The following DLGAP2 variants were observed in gnomAD, a reference collection of about 807,000 sequenced individuals.
DLGAP2 encodes disks large-associated protein 2.
In DLGAP2, 26 loss-of-function variants were observed where a neutral mutation model predicts 100.3. That is an observed-to-expected ratio of 0.26 (90% CI 0.19 to 0.36). The LOEUF is 0.36. Ranked by LOEUF, DLGAP2 falls within the 10% of genes least tolerant of loss-of-function variation. DLGAP2 has a pLI of 1.00. For missense variants in DLGAP2, 1,858 were observed against 1,453.2 expected (o/e 1.28, Z -4.53); for synonymous variants, 886 against 630.1 (o/e 1.41, Z -6.08).
intron 1 of DLGAP2, among the ~76,000 whole-genome samples, chr8:843,018 A>C (rs1318764315): frequency 6.6e-6 from 1 of 152,018 alleles, no homozygotes; most frequent in Non-Finnish European, 1.5e-5. Context: ...CGCTCACTTT[A>C]TGGATGTACC....
At position 964,128 on chromosome 8, in the gene DLGAP2, G is replaced by C. The variant is rs1430402459; in HGVS notation, c.73+56162G>C. On this transcript the variant is annotated intron_variant, in intron 2 of 14. Transcript: ENST00000637795. Reference sequence around the variant, plus strand: ...GTAAAATAAAATGCATGCTTCCCTTGTATTCTATGTCGTGATACATTCAGG... The same window carrying C: ...GTAAAATAAAATGCATGCTTCCCTTCTATTCTATGTCGTGATACATTCAGG... 2.0e-5 allele frequency among the ~76,000 whole-genome samples: 3 copies of C among 152,130 alleles called. No homozygotes were observed. In the East Asian group the frequency reaches 5.8e-4, roughly 29 times the overall value.
At chr8:1,570,317 G>T (rs552061855) in intron 6 of DLGAP2, among the ~76,000 whole-genome samples, 1 of 152,228 alleles carries the variant, frequency 6.6e-6, no homozygotes, top group Non-Finnish European at 1.5e-5. Context: ...ACTGTGGCTG[G>T]CACCATGATG....
At chr8:932,875 C>T (rs910556096) in intron 2 of DLGAP2, among the ~76,000 whole-genome samples, 2 of 152,192 alleles carry the variant, frequency 1.3e-5, no homozygotes, top group Non-Finnish European at 2.9e-5. Flanking sequence ...TGAAAAAGAT[C>T]AGTCAGCATT....
intron 1 of DLGAP2, among the ~76,000 whole-genome samples, chr8:746,478 G>A (rs1820621318): frequency 6.6e-6 from 1 of 152,168 alleles, no homozygotes; most frequent in Admixed American, 6.5e-5. Flanking sequence ...CCAGAGCTGG[G>A]GGCGCAGCCT....
At chr8:1,434,788 T>C (rs1365539590) in intron 3 of DLGAP2, among the ~76,000 whole-genome samples, 2 of 152,212 alleles carry the variant, frequency 1.3e-5, no homozygotes, top group Non-Finnish European at 2.9e-5. Context: ...ATTGGCATTT[T>C]GAGAAACAGA....
chr8:1,280,882 A>G (rs904595744), intron 3 of DLGAP2, among the ~76,000 whole-genome samples: 1 of 152,234 alleles, frequency 6.6e-6, no homozygotes, highest in Admixed American at 6.5e-5. Flanking sequence ...CTGAAATCAC[A>G]TTCACCTATT....
At chr8:1,415,500 C>T (rs985340020) in intron 3 of DLGAP2, among the ~76,000 whole-genome samples, 8 of 152,084 alleles carry the variant, frequency 5.3e-5, no homozygotes, top group Non-Finnish European at 1.0e-4. Flanking sequence ...GTCTGCTGTT[C>T]GCACCTTTAT....
At chr8:901,423 G>A (rs1330339018) in intron 1 of DLGAP2, among the ~76,000 whole-genome samples, 1 of 152,204 alleles carries the variant, frequency 6.6e-6, no homozygotes, top group Non-Finnish European at 1.5e-5. Flanking sequence ...AAAAAGTAAA[G>A]TGTTTATCTG....
chr8:1,089,603 G>C (rs1049519241), intron 2 of DLGAP2, among the ~76,000 whole-genome samples: 2 of 152,230 alleles, frequency 1.3e-5, no homozygotes, highest in African/African-American at 4.8e-5. Flanking sequence ...AGTTGGGTTG[G>C]AAGTAGCTGT....
In DLGAP2 at chr8:1,287,131, C is replaced by CGTGTGTGTGTGT. The variant is rs33910191; in HGVS notation, c.106+28264_106+28275dup. Among the ~76,000 whole-genome samples the CGTGTGTGTGTGT allele has an allele frequency of 3.6e-3, 496 of 136,980 alleles. 26 individuals carry two copies. Among genetic ancestry groups the CGTGTGTGTGTGT allele is most frequent in the African/African-American group, 0.014 (465 of 34,264 alleles). 89.9% of individuals were successfully genotyped at this position (136,980 alleles called of 152,430 possible). On this transcript the variant is annotated intron_variant, in intron 3 of 14. Transcript: ENST00000637795. Reference sequence around the variant, plus strand: ...AAGAGGGGAACTAGTTTCGGTTCAGCGTGTGTGTGTGTGTGTGTGTGTGTG... The same window carrying CGTGTGTGTGTGT: ...AAGAGGGGAACTAGTTTCGGTTCAGCGTGTGTGTGTGTGTGTGTGTGTGTGTGTGTGTGTGTG...
In DLGAP2 at chr8:1,178,074, C is replaced by T. The variant is rs145346349; in HGVS notation, c.74-80777C>T. Among the ~76,000 whole-genome samples the T allele has an allele frequency of 4.7e-3, 720 of 152,344 alleles. 2 individuals carry two copies. Among genetic ancestry groups the T allele is most frequent in the Middle Eastern group, 0.01 (3 of 294 alleles). ...GCCTCTCAGCTCATGGGACACGGTGCTCTGGGACCTGAGCTGGTGGTGTCA... is the reference window on the plus strand; with the variant it reads ...GCCTCTCAGCTCATGGGACACGGTGTTCTGGGACCTGAGCTGGTGGTGTCA... On this transcript the variant is annotated intron_variant, in intron 2 of 14. Coordinates refer to ENST00000637795, the MANE Select transcript of DLGAP2 (RefSeq NM_001346810.2).
intron 3 of DLGAP2, among the ~76,000 whole-genome samples, chr8:1,365,760 G>A (rs143385299): frequency 8.5e-5 from 13 of 152,340 alleles, no homozygotes; most frequent in East Asian, 5.8e-4. Flanking sequence ...AGGCCCACGC[G>A]GAGGGCGAGC....
chr8:1,227,569 C>A (rs532274534), intron 2 of DLGAP2, among the ~76,000 whole-genome samples: 12 of 152,058 alleles, frequency 7.9e-5, no homozygotes, highest in African/African-American at 2.7e-4. Context: ...TCCTGGCTCA[C>A]TGCAAACTCC....
intron 12 of DLGAP2, among the ~76,000 whole-genome samples, chr8:1,687,498 A>G (rs183222087): frequency 3.6e-4 from 55 of 152,338 alleles, no homozygotes; most frequent in African/African-American, 1.3e-3. Flanking sequence ...CTTACATTAT[A>G]GGCATCAGAT....
chr8:1,281,026 C>G (rs1051397264), intron 3 of DLGAP2, among the ~76,000 whole-genome samples: 1 of 152,190 alleles, frequency 6.6e-6, no homozygotes, highest in Non-Finnish European at 1.5e-5. Context: ...AATGGTCTTC[C>G]TGAGCCTTCT....
chr8:1,102,967 T>A (rs1229635667), intron 2 of DLGAP2, among the ~76,000 whole-genome samples: 1 of 151,288 alleles, frequency 6.6e-6, no homozygotes, highest in Non-Finnish European at 1.5e-5. Context: ...TTTTCCGGGG[T>A]CTTCATGAGA....
intron 2 of DLGAP2, among the ~76,000 whole-genome samples, chr8:933,585 G>C (rs1402556658): frequency 1.1e-5 from 1 of 94,908 alleles, no homozygotes; most frequent in Admixed American, 1.1e-4. Context: ...ACATCTGGCC[G>C]TGGGCACGAG....
chr8:1,442,136 C>T (rs1354201035), intron 3 of DLGAP2, among the ~76,000 whole-genome samples: 1 of 152,224 alleles, frequency 6.6e-6, no homozygotes, highest in African/African-American at 2.4e-5. Context: ...GGCATAGACC[C>T]TCTGGGCTGC....
intron 1 of DLGAP2, among the ~76,000 whole-genome samples, chr8:744,898 C>T (rs925706129): frequency 1.3e-5 from 2 of 152,224 alleles, no homozygotes; most frequent in African/African-American, 4.8e-5. Flanking sequence ...CCGAATTCCT[C>T]GCTTGGACTG....
Sources: gnomAD v4.1 joint callset for allele counts (sites outside exome capture counted in the v4.1 genomes callset) on GRCh38, gnomAD v4.1.1 for gene constraint, MANE v1.5 for transcripts, NCBI Gene and HGNC (gene_info 2026-07-23, HGNC 2026-07-21) for gene names.